Variants in BCL10 observed in about 807,000 individuals in gnomAD.
BCL10 encodes the protein B-cell lymphoma/leukemia 10.
Under a neutral mutation model 19.2 loss-of-function variants are expected in BCL10, and 5 were observed. The observed-to-expected ratio is 0.26, with a 90% CI of 0.14 to 0.55. BCL10 has a LOEUF of 0.55. BCL10 is among the 20% of genes least tolerant of loss of function. The pLI, the probability that BCL10 is intolerant of heterozygous loss-of-function variation, is 0.94. For synonymous variants in BCL10, 110 were observed against 98.8 expected, an observed-to-expected ratio of 1.11 and a Z score of -0.67; for missense variants, 201 against 271.9, an observed-to-expected ratio of 0.74 and a Z score of 1.83.
At chr1:85,272,828 G>A (rs1660403536) in intron 1 of BCL10, among the ~76,000 whole-genome samples, 1 of 152,102 alleles carries the variant, frequency 6.6e-6, no homozygotes, top group Non-Finnish European at 1.5e-5. Context: ...TACTATATAT[G>A]AAGGCCACGC....
chr1:85,276,591 G>T lies in BCL10; in HGVS notation c.-239C>A, dbSNP rs1405803561. The T allele has an allele frequency of 3.4e-6, 2 of 591,420 alleles. No individual in the cohort carries two copies. Among genetic ancestry groups the T allele is most frequent in the Non-Finnish European group, 6.0e-6 (2 of 332,338 alleles). 36.6% of individuals were successfully genotyped at this position (591,420 alleles called of 1,614,324 possible). The stretch of plus-strand genomic sequence containing the variant: ...TCTACGCGACGCGACGCGGAGCTCG[G>T]AGCAGCGTTCCTTCCCTCTCGTAGA... On this transcript the variant is annotated 5_prime_UTR_variant, in exon 1 of 3. Coordinates refer to ENST00000648566, the MANE Select transcript of BCL10 (RefSeq NM_003921.5).
chr1:85,268,058 A>G, intron 2 of BCL10, 76 bp from the exon 3 acceptor site: 3 of 848,900 alleles, frequency 3.5e-6, no homozygotes, highest in Non-Finnish European at 5.2e-6. Flanking sequence ...GTGACTTGTT[A>G]AAGATTACAA....
chr1:85,275,590 G>C (rs1417256254), intron 1 of BCL10, among the ~76,000 whole-genome samples: 1 of 152,134 alleles, frequency 6.6e-6, no homozygotes, highest in African/African-American at 2.4e-5. Flanking sequence ...GGTCTCATCT[G>C]ACAAAACAAG....
At chr1:85,275,779 A>C (rs1225055323) in intron 1 of BCL10, among the ~76,000 whole-genome samples, 1 of 152,090 alleles carries the variant, frequency 6.6e-6, no homozygotes, top group Non-Finnish European at 1.5e-5. Context: ...CCCCAATTTA[A>C]ATATGTGGGC....
chr1:85,275,492 T>C (rs1660494344), intron 1 of BCL10, among the ~76,000 whole-genome samples: 1 of 152,230 alleles, frequency 6.6e-6, no homozygotes, highest in African/African-American at 2.4e-5. Context: ...TTTGTAAAAG[T>C]ACTGCAGTGT....
intron 1 of BCL10, among the ~76,000 whole-genome samples, chr1:85,271,112 C>T (rs1325615615): frequency 6.6e-6 from 1 of 152,168 alleles, no homozygotes; most frequent in Non-Finnish European, 1.5e-5. Context: ...ATCTCACCTT[C>T]AAACCTAAAA....
chr1:85,268,090 ATT>A, intron 2 of BCL10, 108 bp from the exon 3 acceptor site: 1 of 678,018 alleles, frequency 1.5e-6, no homozygotes, highest in South Asian at 2.4e-5. Context: ...CACAATCAAA[ATT>A]TAAATAGCAA....
At chr1:85,268,079 C>A in intron 2 of BCL10, 97 bp from the exon 3 acceptor site, 1 of 755,272 alleles carries the variant, frequency 1.3e-6, no homozygotes, top group East Asian at 2.7e-5. Context: ...GCTAGTTACC[C>A]CACAATCAAA....
At position 85,270,904 on chromosome 1, in the gene BCL10, G is replaced by T; in HGVS notation, c.60C>A (p.Ala20=). 2 of 1,599,074 alleles carry T rather than the reference G, an allele frequency of 1.3e-6. No homozygotes were observed. Among genetic ancestry groups the T allele is most frequent in the Non-Finnish European group, 1.7e-6 (2 of 1,177,000 alleles). Residue 20 remains alanine, a splice_region_variant and synonymous_variant, in exon 2 of 3, where the codon GCC becomes GCA. Transcript: ENST00000648566. ...EEDLTEVKKD[A]LENLRVYLCE... ...ACAGGTATACACGTAAATTTTCTAA[G>T]GCCTAAAAGACATAAAATATGGTTC...
At position 85,267,434 on chromosome 1, in the gene BCL10, T is replaced by G. The variant is rs1039013482; in HGVS notation, c.*193A>C. The G allele has an allele frequency of 2.0e-6, 1 of 492,100 alleles. No homozygotes were observed. The highest frequency in any genetic ancestry group is 3.5e-6 in the Non-Finnish European group (1 of 284,992). 30.5% of individuals were successfully genotyped at this position (492,100 alleles called of 1,614,324 possible). On this transcript the variant is annotated 3_prime_UTR_variant, in exon 3 of 3. Transcript: ENST00000648566. ...AAAGAAATTACTAAAAAGTACATGA[T>G]CAACATGATTTACAGTTAGCTATCC...
Position 85,267,800 on chromosome 1 carries a change from G to C in BCL10, c.529C>G (p.Leu177Val), listed in dbSNP as rs1360050843. Residue 177 changes from leucine (L) to valine (V), a missense_variant, in exon 3 of 3, where the codon CTA (leucine) becomes GTA (valine). Leu to Val is a conservative substitution (Grantham distance 32, BLOSUM62 1). Coordinates refer to ENST00000648566, the MANE Select transcript of BCL10 (RefSeq NM_003921.5). ...STNSSLNLPV[L>V]EVGRTENTIF... ...GTATTTTCAGTTCTGCCTACTTCTA[G>C]AACAGGCAAATTCAGAGAAGAATTA... 1 of 1,614,210 alleles carries C rather than the reference G, an allele frequency of 6.2e-7. No homozygotes were observed. The highest frequency in any genetic ancestry group is 8.5e-7 in the Non-Finnish European group (1 of 1,180,038).
Position 85,267,794 on chromosome 1 carries a change from C to G in BCL10, c.535G>C (p.Val179Leu). Reference protein sequence around the residue: ...NSSLNLPVLEVGRTENTIFSS... With the variant: ...NSSLNLPVLELGRTENTIFSS... ...AAGATGGTATTTTCAGTTCTGCCTA[C>G]TTCTAGAACAGGCAAATTCAGAGAA... Residue 179 changes from valine (V) to leucine (L), a missense_variant, in exon 3 of 3, where the codon GTA becomes CTA. Transcript: ENST00000648566. 3 of 1,614,190 alleles carry G rather than the reference C, an allele frequency of 1.9e-6. No homozygotes were observed. Among genetic ancestry groups the G allele is most frequent in the Non-Finnish European group, 8.5e-7 (1 of 1,180,040 alleles).
chr1:85,275,587 T>C (rs1660498089), intron 1 of BCL10, among the ~76,000 whole-genome samples: 1 of 152,214 alleles, frequency 6.6e-6, no homozygotes, highest in Non-Finnish European at 1.5e-5. Context: ...ATAGGTCTCA[T>C]CTGACAAAAC....
intron 1 of BCL10, among the ~76,000 whole-genome samples, chr1:85,273,121 C>A (rs1366041441): frequency 6.6e-6 from 1 of 152,184 alleles, no homozygotes; most frequent in African/African-American, 2.4e-5. Context: ...GGCACCCCGT[C>A]CTCTGTCCTT....
At position 85,267,673 on chromosome 1, in the gene BCL10, C is replaced by T. The variant is rs1660238667; in HGVS notation, c.656G>A (p.Ser219Asn). 2 of 1,613,600 alleles carry T rather than the reference C, an allele frequency of 1.2e-6. No individual in the cohort carries two copies. The highest frequency in any genetic ancestry group is 2.2e-5 in the East Asian group (1 of 44,874). ...LEEEGTCANSSEMFLPLRSRT... is the reference protein window; with the variant it reads ...LEEEGTCANSNEMFLPLRSRT... ...TGATCTTAAGGGAAGAAACATCTCA[C>T]TAGAGTTTGCACAAGTTCCTTCTTC... The change falls in exon 3 of 3, where the codon AGT (serine) becomes AAT (asparagine). Residue 219 changes from serine (S) to asparagine (N), a missense_variant. Physicochemically the swap from Ser to Asn is conservative, Grantham distance 46. Around this residue, in one of 3 missense-constraint regions of BCL10, gnomAD observed 126 missense variants for 136.6 expected, o/e 0.92. Transcript: ENST00000648566.
chr1:85,274,173 T>C (rs1043165637), intron 1 of BCL10, among the ~76,000 whole-genome samples: 15 of 152,198 alleles, frequency 9.9e-5, no homozygotes, highest in African/African-American at 2.9e-4. Context: ...TTCATAGTAA[T>C]TGCAATAATG....
rs71650007 is a variant in BCL10, at chr1:85,266,876, C to CAAAAAAAAAAAAAAAAAAAAAA, written c.*729_*750dup. 1 of 88,080 alleles carries CAAAAAAAAAAAAAAAAAAAAAA rather than the reference C, an allele frequency of 1.1e-5. No individual in the cohort carries two copies. Among genetic ancestry groups the CAAAAAAAAAAAAAAAAAAAAAA allele is most frequent in the Admixed American group, 1.5e-4 (1 of 6,692 alleles). 5.5% of individuals were successfully genotyped at this position (88,080 alleles called of 1,614,324 possible). A position where few individuals can be genotyped will look rare whatever the true frequency, so the allele number is the denominator to read the frequency against. On this transcript the variant is annotated 3_prime_UTR_variant, in exon 3 of 3. Transcript: ENST00000648566. Reference sequence around the variant, plus strand: ...CCTGGGCGATAGAGCAAGACTGTCTCAAAAAAAAAAAAAAAAAAAAAAGAA... The same window carrying CAAAAAAAAAAAAAAAAAAAAAA: ...CCTGGGCGATAGAGCAAGACTGTCTCAAAAAAAAAAAAAAAAAAAAAAAAAAAAAAAAAAAAAAAAAAAAGAA...
At position 85,266,639 on chromosome 1, in the gene BCL10, C is replaced by T. The variant is rs1272374430; in HGVS notation, c.*988G>A. The T allele has an allele frequency of 1.7e-5, 3 of 178,558 alleles. No homozygotes were observed. Among genetic ancestry groups the T allele is most frequent in the East Asian group, 9.2e-5 (1 of 10,872 alleles). The allele number at this position is 178,558 out of a possible 1,614,324, so 11.1% of individuals were successfully genotyped here. A position where few individuals can be genotyped will look rare whatever the true frequency, so the allele number is the denominator to read the frequency against. ...GTAATCCCAGCACTTTGGGAGGCCA[C>T]GCTGGGTAGGTTGCTTGAGTCCAGG... On this transcript the variant is annotated 3_prime_UTR_variant, in exon 3 of 3. Coordinates refer to ENST00000648566, the MANE Select transcript of BCL10 (RefSeq NM_003921.5).
At chr1:85,274,262 C>G (rs150686223) in intron 1 of BCL10, among the ~76,000 whole-genome samples, 84 of 152,322 alleles carry the variant, frequency 5.5e-4, no homozygotes, top group African/African-American at 1.5e-3. Context: ...TTAGCCAACA[C>G]TGTATATCCT....
Sources: gnomAD v4.1 joint callset for allele counts (sites outside exome capture counted in the v4.1 genomes callset) on GRCh38, gnomAD v4.1.1 for gene constraint, gnomAD v4.1.1 regional missense constraint, MANE v1.5 for transcripts, NCBI Gene and HGNC (gene_info 2026-07-23, HGNC 2026-07-21) for gene names.